MRPL13: variants seen among roughly 807,000 people sequenced by gnomAD.
MRPL13 encodes large ribosomal subunit protein uL13m.
A neutral mutation model predicts 29.0 loss-of-function variants in MRPL13; 33 were observed. The ratio of observed to expected loss-of-function variants is 1.14; its 90% confidence interval spans 0.86 to 1.52. The LOEUF (loss-of-function observed/expected upper bound fraction) is 1.52. MRPL13 is among the 40% of genes most tolerant of loss of function. MRPL13 has a pLI of 0.00. For missense variants in MRPL13, 227 were observed against 216.7 expected, an observed-to-expected ratio of 1.05 and a Z score of -0.30; for synonymous variants, 77 against 68.4, an observed-to-expected ratio of 1.13 and a Z score of -0.62.
chr8:120,418,948 C>A (rs1812837211), intron 5 of MRPL13, among the ~76,000 whole-genome samples: 1 of 151,944 alleles, frequency 6.6e-6, no homozygotes, highest in Non-Finnish European at 1.5e-5. Context: ...AAAGCTTAAA[C>A]AGTAAGAGCA....
intron 4 of MRPL13, among the ~76,000 whole-genome samples, chr8:120,421,458 T>C (rs1812873707): frequency 6.6e-6 from 1 of 151,890 alleles, no homozygotes; most frequent in South Asian, 2.1e-4. Context: ...AAAGCTGCAT[T>C]GTGAAACAAA....
At chr8:120,440,199 G>A (rs1400833388) in intron 2 of MRPL13, among the ~76,000 whole-genome samples, 1 of 152,214 alleles carries the variant, frequency 6.6e-6, no homozygotes, top group Non-Finnish European at 1.5e-5. Flanking sequence ...GGTGAGCAGA[G>A]GAATCAGGCG....
intron 2 of MRPL13, among the ~76,000 whole-genome samples, chr8:120,439,291 C>T (rs1813089488): frequency 6.6e-6 from 1 of 152,116 alleles, no homozygotes; most frequent in African/African-American, 2.4e-5. Context: ...TAAAATATCC[C>T]CCAAGCTTGG....
chr8:120,429,159 A>T (rs949104308), intron 3 of MRPL13, among the ~76,000 whole-genome samples: 1 of 152,184 alleles, frequency 6.6e-6, no homozygotes, highest in Non-Finnish European at 1.5e-5. Context: ...GAAATACTAC[A>T]TAGCCATAAA....
At chr8:120,421,880 A>G (rs1453414610) in intron 4 of MRPL13, among the ~76,000 whole-genome samples, 1 of 151,850 alleles carries the variant, frequency 6.6e-6, no homozygotes, top group Non-Finnish European at 1.5e-5. Context: ...ATGAAGTATT[A>G]AAAGTATAAT....
chr8:120,418,826 T>C (rs901865143), intron 5 of MRPL13, among the ~76,000 whole-genome samples: 7 of 152,050 alleles, frequency 4.6e-5, no homozygotes, highest in African/African-American at 1.4e-4. Flanking sequence ...AGAGGTAAAG[T>C]GAATAGTGGG....
intron 6 of MRPL13, among the ~76,000 whole-genome samples, chr8:120,397,458 C>T (rs1384222141): frequency 6.6e-6 from 1 of 152,142 alleles, no homozygotes; most frequent in Non-Finnish European, 1.5e-5. Flanking sequence ...CTGGAGACTG[C>T]CTGAGATGGA....
intron 3 of MRPL13, among the ~76,000 whole-genome samples, chr8:120,430,185 C>T (rs533630118): frequency 3.0e-4 from 45 of 152,216 alleles, no homozygotes; most frequent in African/African-American, 1.1e-3. Flanking sequence ...TTGCTTGAAC[C>T]TGGGAGGCGG....
At chr8:120,429,014 T>C (rs1020722529) in intron 3 of MRPL13, among the ~76,000 whole-genome samples, 1 of 152,128 alleles carries the variant, frequency 6.6e-6, no homozygotes, top group African/African-American at 2.4e-5. Flanking sequence ...CTAAGAAATA[T>C]AAATTGTTCT....
At position 120,445,115 on chromosome 8, in the gene MRPL13, G is replaced by T. The variant is rs371698307; in HGVS notation, c.-21C>A. 1 of 1,613,792 alleles carries T rather than the reference G, an allele frequency of 6.2e-7. No individual in the cohort carries two copies. Among genetic ancestry groups the T allele is most frequent in the Non-Finnish European group, 8.5e-7 (1 of 1,179,922 alleles). On this transcript the variant is annotated 5_prime_UTR_variant, in exon 1 of 7. Coordinates refer to ENST00000306185, the MANE Select transcript of MRPL13 (RefSeq NM_014078.6). ...GACATATTCCTCTACTAGCAGGACC[G>T]TACGTCCTTCTCCTAGTAGCCACGC... is the stretch of plus-strand genomic sequence containing the variant.
chr8:120,404,063 G>A lies in MRPL13; in HGVS notation c.516-7938C>T, dbSNP rs1049329870. 4.6e-5 allele frequency among the ~76,000 whole-genome samples: 7 copies of A among 152,136 alleles called. No individual in the cohort carries two copies. In the South Asian group the frequency reaches 6.2e-4, roughly 14 times the overall value. On this transcript the variant is annotated intron_variant, in intron 6 of 6. Coordinates refer to ENST00000306185, the MANE Select transcript of MRPL13 (RefSeq NM_014078.6). The stretch of plus-strand genomic sequence containing the variant: ...AATAACAATCTGATGACAGCTACAC[G>A]CGGCTCCAGAATATACCCTTTTCTC...
intron 6 of MRPL13, 61 bp from the exon 7 acceptor site, chr8:120,396,186 G>T: frequency 1.6e-6 from 2 of 1,254,204 alleles, no homozygotes; most frequent in Non-Finnish European, 1.1e-6. Context: ...CCTGACTGAT[G>T]AGGATTATTT....
chr8:120,424,325 A>C (rs1294982159), intron 4 of MRPL13, among the ~76,000 whole-genome samples: 2 of 152,170 alleles, frequency 1.3e-5, no homozygotes, highest in African/African-American at 4.8e-5. Flanking sequence ...ACAGGAAAAA[A>C]AATAAAAAAT....
chr8:120,407,648 T>TAAAACAAAACAAAACAAAACAAAAC (rs55919521), intron 6 of MRPL13, among the ~76,000 whole-genome samples: 4 of 146,126 alleles, frequency 2.7e-5, no homozygotes, highest in Admixed American at 6.8e-5. Context: ...AAACTCCATC[T>TAAAACAAAACAAAACAAAACAAAAC]AAAACAAAAC....
chr8:120,428,763 C>T (rs1309730126), intron 3 of MRPL13, among the ~76,000 whole-genome samples: 1 of 152,068 alleles, frequency 6.6e-6, no homozygotes, highest in African/African-American at 2.4e-5. Flanking sequence ...TAGAGAAATG[C>T]AAATCAAAAC....
intron 5 of MRPL13, chr8:120,419,533 T>C (rs917979272): frequency 5.4e-5 from 9 of 167,902 alleles, no homozygotes; most frequent in African/African-American, 1.9e-4. Flanking sequence ...CACTTTTTCA[T>C]AGTGAATGAA....
intron 4 of MRPL13, among the ~76,000 whole-genome samples, chr8:120,421,253 T>C (rs934076011): frequency 6.6e-6 from 1 of 151,746 alleles, no homozygotes; most frequent in African/African-American, 2.4e-5. Context: ...ATAGAACCTC[T>C]TAAAGAAGCT....
At chr8:120,396,235 A>G in intron 6 of MRPL13, 110 bp from the exon 7 acceptor site, 1 of 785,824 alleles carries the variant, frequency 1.3e-6, no homozygotes, top group Non-Finnish European at 2.0e-6. Context: ...ACCAAGAAAT[A>G]GCTACAAACA....
intron 6 of MRPL13, among the ~76,000 whole-genome samples, chr8:120,400,559 A>T (rs1812579624): frequency 6.6e-6 from 1 of 152,036 alleles, no homozygotes; most frequent in Non-Finnish European, 1.5e-5. Context: ...ATATTGCAAC[A>T]AAAAGAACTA....
Sources: allele counts gnomAD v4.1 joint callset (sites outside exome capture counted in the v4.1 genomes callset), GRCh38; gene constraint gnomAD v4.1.1; transcripts MANE v1.5; gene names NCBI Gene and HGNC (gene_info 2026-07-23, HGNC 2026-07-21).